The following LMO3 variants were observed in gnomAD, a reference collection of about 807,000 sequenced individuals.
LMO3 encodes LIM domain only protein 3.
A neutral mutation model predicts 15.8 loss-of-function variants in LMO3; 2 were observed. The observed-to-expected ratio is 0.13, with a 90% CI of 0.05 to 0.40. The LOEUF (loss-of-function observed/expected upper bound fraction) is 0.40. Ranked by LOEUF, LMO3 falls within the 10% of genes least tolerant of loss-of-function variation. The probability of loss-of-function intolerance (pLI) is 0.99; values close to 1 mark genes in which losing one functional copy is unlikely to be tolerated. For missense variants in LMO3, 86 were observed against 182.2 expected, an observed-to-expected ratio of 0.47 and a Z score of 3.04; for synonymous variants, 62 against 63.8, an observed-to-expected ratio of 0.97 and a Z score of 0.13.
At chr12:16,595,417 G>T (rs1211477265) in intron 2 of LMO3, among the ~76,000 whole-genome samples, 1 of 151,356 alleles carries the variant, frequency 6.6e-6, no homozygotes, top group East Asian at 1.9e-4. Flanking sequence ...AATAGAAGTT[G>T]TTTGGGGGCA....
chr12:16,592,781 T>A (rs1943533804), intron 2 of LMO3, among the ~76,000 whole-genome samples: 1 of 152,054 alleles, frequency 6.6e-6, no homozygotes. Flanking sequence ...CAAAAAACAC[T>A]ATCCTAGAGA....
Position 16,560,265 on chromosome 12 carries a change from T to G in LMO3, c.332+148A>C, listed in dbSNP as rs1942348579. On this transcript the variant is annotated intron_variant, in intron 3 of 3. Coordinates refer to ENST00000537304, the MANE Select transcript of LMO3 (RefSeq NM_018640.5). This position sits in a 1 kb window ranked among gnomAD's most constrained non-coding sequence, Gnocchi z 5.0. ...AAGACCTTTCTTCTCCTTAGTAGCTTGTCTCTGGCATGGGATTAAAGTTTA... is the reference window on the plus strand; with the variant it reads ...AAGACCTTTCTTCTCCTTAGTAGCTGGTCTCTGGCATGGGATTAAAGTTTA... 1.3e-6 allele frequency: 1 copy of G among 766,560 alleles called. No individual in the cohort carries two copies. The highest frequency in any genetic ancestry group is 2.9e-5 in the East Asian group (1 of 34,424). The allele number at this position is 766,560 out of a possible 1,614,324, so 47.5% of individuals were successfully genotyped here.
chr12:16,594,429 T>G (rs1171753448), intron 2 of LMO3: 1 of 511,526 alleles, frequency 2.0e-6, no homozygotes, highest in Admixed American at 3.4e-5. Context: ...GAACAGAGTA[T>G]TGCTATTTTT....
At chr12:16,567,050 G>C (rs1801794677) in intron 2 of LMO3, among the ~76,000 whole-genome samples, 1 of 152,114 alleles carries the variant, frequency 6.6e-6, no homozygotes, top group African/African-American at 2.4e-5. Context: ...TGAAAAATTA[G>C]CTGGGTGTGT....
chr12:16,607,108 C>T (rs1391528862), upstream of LMO3: 3 of 152,412 alleles, frequency 2.0e-5, no homozygotes, highest in African/African-American at 7.2e-5. Flanking sequence ...TCTGAAGTCG[C>T]TGCTCCGCAA....
At chr12:16,595,129 T>C (rs1193357753) in intron 2 of LMO3, among the ~76,000 whole-genome samples, 3 of 151,440 alleles carry the variant, frequency 2.0e-5, no homozygotes, top group Admixed American at 2.0e-4. Flanking sequence ...AAAACTATCC[T>C]GACTGAAGTA....
At position 16,548,550 on chromosome 12, in the gene LMO3, G is replaced by A. The variant is rs1941873492; in HGVS notation, c.*2672C>T. 6.6e-6 allele frequency: 1 copy of A among 152,148 alleles called. No homozygotes were observed. The highest frequency in any genetic ancestry group is 2.4e-5 in the African/African-American group (1 of 41,434). 9.4% of individuals were successfully genotyped at this position (152,148 alleles called of 1,614,324 possible). On this transcript the variant is annotated 3_prime_UTR_variant, in exon 4 of 4. Coordinates refer to ENST00000537304, the MANE Select transcript of LMO3 (RefSeq NM_018640.5). The surrounding 1 kb of genome is among the most constrained non-coding windows in gnomAD (Gnocchi z 4.2). Reference sequence around the variant, plus strand: ...CCTTCATCATAGGCAGCCTATGCGAGATGCATCTTAGGAAGGGAGCTTTCG... The same window carrying A: ...CCTTCATCATAGGCAGCCTATGCGAAATGCATCTTAGGAAGGGAGCTTTCG...
chr12:16,609,813 GTTTC>G (rs1447307985), upstream of LMO3: 2 of 151,908 alleles, frequency 1.3e-5, no homozygotes, highest in Non-Finnish European at 2.9e-5. Context: ...GTTTTCAGCT[GTTTC>G]TTTCTTTAAA....
rs1267471636 is a variant in LMO3, at chr12:16,584,010, GAA to G, written c.206+16643_206+16644del. On this transcript the variant is annotated intron_variant, in intron 2 of 3. Coordinates refer to ENST00000537304, the MANE Select transcript of LMO3 (RefSeq NM_018640.5). This position sits in a 1 kb window ranked among gnomAD's most constrained non-coding sequence, Gnocchi z 5.2. Reference sequence around the variant, plus strand: ...CTGAGATGAAATACTTTTCCATAAGGAAAAGACACTGTATATAATTCTGGGAT... The same window carrying G: ...CTGAGATGAAATACTTTTCCATAAGGAAGACACTGTATATAATTCTGGGAT... Among the ~76,000 whole-genome samples the G allele has an allele frequency of 2.0e-5, 3 of 152,156 alleles. No individual in the cohort carries two copies.
chr12:16,564,718 A>C (rs1942529521), intron 2 of LMO3, among the ~76,000 whole-genome samples: 1 of 152,224 alleles, frequency 6.6e-6, no homozygotes. Context: ...CACTGCAGTA[A>C]ACCTTAATTC....
Position 16,596,372 on chromosome 12 carries a change from T to A in LMO3, c.206+4283A>T, listed in dbSNP as rs983935254. Among the ~76,000 whole-genome samples the A allele has an allele frequency of 6.6e-6, 1 of 151,566 alleles. No homozygotes were observed. The highest frequency in any genetic ancestry group is 2.1e-4 in the South Asian group (1 of 4,824). On this transcript the variant is annotated intron_variant, in intron 2 of 3. Transcript: ENST00000537304. This position sits in a 1 kb window ranked among gnomAD's most constrained non-coding sequence, Gnocchi z 4.3. ...ATTTTATATAAGACATTTTACAGCT[T>A]CTTATATAGGAAAAGCTATAAGCAG...
intron 3 of LMO3, among the ~76,000 whole-genome samples, chr12:16,553,414 A>G (rs534798846): frequency 2.1e-4 from 32 of 152,280 alleles, no homozygotes; most frequent in African/African-American, 6.3e-4. Context: ...TTTCTTTTGC[A>G]TAACTTTAAA....
upstream of LMO3, chr12:16,609,848 T>C (rs1229607049): frequency 6.6e-6 from 1 of 152,122 alleles, no homozygotes; most frequent in Non-Finnish European, 1.5e-5. Flanking sequence ...CAGATTACTT[T>C]TGTGTGCGGG....
intron 2 of LMO3, among the ~76,000 whole-genome samples, chr12:16,563,609 C>T (rs140366830): frequency 1.6e-3 from 247 of 152,210 alleles, no homozygotes; most frequent in African/African-American, 5.7e-3. Context: ...GCACTCTTTA[C>T]TCCCACACTC....
intron 2 of LMO3, among the ~76,000 whole-genome samples, chr12:16,563,863 T>A (rs1942490130): frequency 6.6e-6 from 1 of 152,208 alleles, no homozygotes; most frequent in Non-Finnish European, 1.5e-5. Flanking sequence ...TTGATCTATT[T>A]TGCTCATTTT....
In LMO3 at chr12:16,591,865, C is replaced by A. The variant is rs1943504205; in HGVS notation, c.206+8790G>T. Among the ~76,000 whole-genome samples the A allele has an allele frequency of 6.6e-6, 1 of 151,978 alleles. No individual in the cohort carries two copies. The highest frequency in any genetic ancestry group is 2.1e-4 in the South Asian group (1 of 4,826). On this transcript the variant is annotated intron_variant, in intron 2 of 3. Coordinates refer to ENST00000537304, the MANE Select transcript of LMO3 (RefSeq NM_018640.5). The surrounding 1 kb of genome is among the most constrained non-coding windows in gnomAD (Gnocchi z 4.1). ...TTTATGAAGTCCAGATACTTTATAA[C>A]CTCCCTGCTTCAGAATATTTTCTAA... is the stretch of plus-strand genomic sequence containing the variant.
At chr12:16,578,690 T>C (rs1345390276) in intron 2 of LMO3, among the ~76,000 whole-genome samples, 1 of 151,940 alleles carries the variant, frequency 6.6e-6, no homozygotes, top group East Asian at 1.9e-4. Flanking sequence ...TGGTGGTGCA[T>C]GCCTGTAATG....
chr12:16,563,738 G>A (rs765053542), intron 2 of LMO3, among the ~76,000 whole-genome samples: 5 of 152,034 alleles, frequency 3.3e-5, no homozygotes, highest in South Asian at 4.1e-4. Context: ...GTTCTTAGTC[G>A]TACACTGAGA....
Position 16,551,135 on chromosome 12 carries a change from T to A in LMO3, c.*87A>T. 1.2e-6 allele frequency: 1 copy of A among 858,656 alleles called. No individual in the cohort carries two copies. 53.2% of individuals were successfully genotyped at this position (858,656 alleles called of 1,614,324 possible). Reference sequence around the variant, plus strand: ...TCCTATATCTACGCTATTCAGTAGGTTCCTGTGTCAATTCTTATGTACATG... The same window carrying A: ...TCCTATATCTACGCTATTCAGTAGGATCCTGTGTCAATTCTTATGTACATG... On this transcript the variant is annotated 3_prime_UTR_variant, in exon 4 of 4. Coordinates refer to ENST00000537304, the MANE Select transcript of LMO3 (RefSeq NM_018640.5).
Sources: allele counts gnomAD v4.1 joint callset (sites outside exome capture counted in the v4.1 genomes callset), GRCh38; gene constraint gnomAD v4.1.1; non-coding constraint Gnocchi (gnomAD v3.1); transcripts MANE v1.5; gene names NCBI Gene and HGNC (gene_info 2026-07-23, HGNC 2026-07-21).